KCND2: variants seen among roughly 807,000 people sequenced by gnomAD.
The protein encoded by KCND2 is A-type voltage-gated potassium channel KCND2.
In KCND2, 16 loss-of-function variants were observed where a neutral mutation model predicts 54.4. The observed-to-expected ratio is 0.29, with a 90% CI of 0.20 to 0.45. KCND2 has a LOEUF of 0.45. Ranked by LOEUF, KCND2 falls within the 20% of genes least tolerant of loss-of-function variation. The pLI is 1.00. For synonymous variants in KCND2, 317 were observed against 310.7 expected, an observed-to-expected ratio of 1.02 and a Z score of -0.21; for missense variants, 486 against 824.2, an observed-to-expected ratio of 0.59 and a Z score of 5.02.
intron 3 of KCND2, 172 bp from the exon 4 acceptor site, chr7:120,742,338 G>A (rs146019234): frequency 5.3e-5 from 33 of 628,376 alleles, no homozygotes; most frequent in African/African-American, 4.6e-4. Flanking sequence ...TGATGAAATT[G>A]TAAATGCCGA....
chr7:120,397,896 AATTG>A lies in KCND2; in HGVS notation c.1115+122154_1115+122157del, dbSNP rs565724305. Among the ~76,000 whole-genome samples, 20 of 150,574 alleles carry A rather than the reference AATTG, an allele frequency of 1.3e-4. No homozygotes were observed. The East Asian group carries it at 3.7e-3, about 28-fold the overall frequency. On this transcript the variant is annotated intron_variant, in intron 1 of 5. Transcript: ENST00000331113. ...GTTAGCAAATTCCTAAATTCCTAAA[AATTG>A]ATTGCTGTTTCCAAGGACTTGTACA...
chr7:120,530,441 C>CAAA (rs1791829685), intron 1 of KCND2, among the ~76,000 whole-genome samples: 5 of 152,290 alleles, frequency 3.3e-5, no homozygotes, highest in African/African-American at 1.2e-4. Flanking sequence ...GGTGCTTTCT[C>CAAA]ATTATTACCC....
At chr7:120,518,503 T>C (rs1803231369) in intron 1 of KCND2, among the ~76,000 whole-genome samples, 1 of 152,188 alleles carries the variant, frequency 6.6e-6, no homozygotes, top group South Asian at 2.1e-4. Context: ...GGTAGATTTT[T>C]CCTAAAATTA....
Position 120,307,768 on chromosome 7 carries a change from A to G in KCND2, c.1115+32021A>G, listed in dbSNP as rs540846353. On this transcript the variant is annotated intron_variant, in intron 1 of 5. Transcript: ENST00000331113. ...CTCTTTAGAACTGAAGCAAGCTTTA[A>G]TAGTTGCTGCACAAGCTTCTGAGAC... Among the ~76,000 whole-genome samples the G allele has an allele frequency of 2.0e-5, 3 of 152,286 alleles. No individual in the cohort carries two copies. The South Asian group carries it at 6.2e-4, about 32-fold the overall frequency.
intron 1 of KCND2, among the ~76,000 whole-genome samples, chr7:120,545,508 G>A (rs1375354158): frequency 6.6e-6 from 1 of 151,866 alleles, no homozygotes; most frequent in Non-Finnish European, 1.5e-5. Context: ...TATTCTTGAA[G>A]ATGAAATAGA....
At chr7:120,647,249 G>A (rs1793453373) in intron 1 of KCND2, among the ~76,000 whole-genome samples, 1 of 152,084 alleles carries the variant, frequency 6.6e-6, no homozygotes, top group Admixed American at 6.5e-5. Flanking sequence ...AGCGCATAGA[G>A]TTTGCTTTTG....
intron 1 of KCND2, among the ~76,000 whole-genome samples, chr7:120,511,786 G>A (rs1315560511): frequency 1.3e-5 from 2 of 152,086 alleles, no homozygotes; most frequent in African/African-American, 4.8e-5. Context: ...ACACTTAGAA[G>A]ATACTAATTT....
intron 1 of KCND2, among the ~76,000 whole-genome samples, chr7:120,588,586 G>A (rs1289923731): frequency 2.0e-5 from 3 of 152,074 alleles, no homozygotes; most frequent in East Asian, 1.9e-4. Flanking sequence ...TGTTTACTGG[G>A]GAGGATGAAA....
intron 1 of KCND2, among the ~76,000 whole-genome samples, chr7:120,634,298 A>G (rs1024476006): frequency 2.6e-5 from 4 of 152,210 alleles, no homozygotes; most frequent in Non-Finnish European, 5.9e-5. Context: ...CTTTTATTTG[A>G]GAAAATATTA....
At chr7:120,693,571 G>T (rs1029388822) in intron 1 of KCND2, among the ~76,000 whole-genome samples, 1 of 152,152 alleles carries the variant, frequency 6.6e-6, no homozygotes, top group Non-Finnish European at 1.5e-5. Flanking sequence ...GAGAGATGAA[G>T]TGGAGGAAGA....
Position 120,690,770 on chromosome 7 carries a change from C to A in KCND2, c.1116-42133C>A, listed in dbSNP as rs78044203. On this transcript the variant is annotated intron_variant, in intron 1 of 5. Transcript: ENST00000331113. ...TCTAAGCCATGAGAATACAGCAATG[C>A]ATAAAAGAGACAAAACCTTTGCCCT... is the stretch of plus-strand genomic sequence containing the variant. Among the ~76,000 whole-genome samples, 322 of 152,184 alleles carry A rather than the reference C, an allele frequency of 2.1e-3. 2 individuals are homozygous for A. Among genetic ancestry groups the A allele is most frequent in the African/African-American group, 7.0e-3 (291 of 41,518 alleles).
chr7:120,314,810 C>T (rs762502617), intron 1 of KCND2, among the ~76,000 whole-genome samples: 3 of 152,084 alleles, frequency 2.0e-5, no homozygotes, highest in Non-Finnish European at 4.4e-5. Context: ...GATGAATCCA[C>T]ATTGAATATG....
chr7:120,496,002 A>G (rs1802841807), intron 1 of KCND2, among the ~76,000 whole-genome samples: 1 of 152,178 alleles, frequency 6.6e-6, no homozygotes, highest in Non-Finnish European at 1.5e-5. Flanking sequence ...CATTAAAAAA[A>G]CAGATTACTA....
chr7:120,614,056 A>G (rs1792991483), intron 1 of KCND2, among the ~76,000 whole-genome samples: 2 of 148,630 alleles, frequency 1.3e-5, no homozygotes, highest in Admixed American at 1.4e-4. Flanking sequence ...TCTGTCTTCC[A>G]GGCTAGAGTG....
At chr7:120,536,648 T>C (rs1190265360) in intron 1 of KCND2, among the ~76,000 whole-genome samples, 1 of 152,172 alleles carries the variant, frequency 6.6e-6, no homozygotes, top group Non-Finnish European at 1.5e-5. Flanking sequence ...GAAACTACTC[T>C]TTTGCTCATC....
intron 1 of KCND2, among the ~76,000 whole-genome samples, chr7:120,632,440 A>C (rs1397160065): frequency 6.6e-6 from 1 of 152,190 alleles, no homozygotes; most frequent in Non-Finnish European, 1.5e-5. Context: ...TAGAGAGGTG[A>C]AGTACACAAT....
At chr7:120,646,373 G>A (rs1159101524) in intron 1 of KCND2, among the ~76,000 whole-genome samples, 2 of 152,056 alleles carry the variant, frequency 1.3e-5, no homozygotes, top group Non-Finnish European at 2.9e-5. Flanking sequence ...TCAACTCCTT[G>A]ATGTAATCAT....
intron 1 of KCND2, among the ~76,000 whole-genome samples, chr7:120,714,688 A>G (rs1386853492): frequency 6.6e-6 from 1 of 152,016 alleles, no homozygotes; most frequent in Non-Finnish European, 1.5e-5. Flanking sequence ...TAGCATTCCT[A>G]TCCTTTGGGA....
intron 1 of KCND2, among the ~76,000 whole-genome samples, chr7:120,394,162 G>A (rs1801117679): frequency 6.6e-6 from 1 of 151,954 alleles, no homozygotes; most frequent in African/African-American, 2.4e-5. Flanking sequence ...TTGATACAAG[G>A]CTGGCCACAT....
Sources: allele counts gnomAD v4.1 joint callset (sites outside exome capture counted in the v4.1 genomes callset), GRCh38; gene constraint gnomAD v4.1.1; transcripts MANE v1.5; gene names NCBI Gene and HGNC (gene_info 2026-07-23, HGNC 2026-07-21).